The following RNF182 variants were observed in gnomAD, a reference collection of about 807,000 sequenced individuals.
The protein encoded by RNF182 is ring finger protein 182, also known as E3 ubiquitin-protein ligase RNF182.
A neutral mutation model predicts 14.4 loss-of-function variants in RNF182; 15 were observed. That is an observed-to-expected ratio of 1.04 (90% CI 0.70 to 1.60). The LOEUF is 1.60. RNF182 is among the 40% of genes most tolerant of loss of function. The probability of loss-of-function intolerance (pLI) is 0.00; values close to 1 mark genes in which losing one functional copy is unlikely to be tolerated. For missense variants in RNF182, 268 were observed against 294.8 expected (o/e 0.91, Z 0.67); for synonymous variants, 128 against 122.9 (o/e 1.04, Z -0.27).
At chr6:13,958,551 CA>C (rs1431440887) in intron 1 of RNF182, among the ~76,000 whole-genome samples, 9 of 152,200 alleles carry the variant, frequency 5.9e-5, no homozygotes, top group Middle Eastern at 3.4e-3. Flanking sequence ...GGAGACATTT[CA>C]ATATATTTAT....
intron 1 of RNF182, among the ~76,000 whole-genome samples, chr6:13,939,808 G>T (rs1585033024): frequency 6.6e-6 from 1 of 152,236 alleles, no homozygotes; most frequent in African/African-American, 2.4e-5. Context: ...CTTCCAAAGT[G>T]CTGGGATTAC....
In RNF182 at chr6:13,978,076, A is replaced by G. The variant is rs1013713898; in HGVS notation, c.*213A>G. Reference sequence around the variant, plus strand: ...GGTTAGCAAAATTGTATAAGCTCACACTTCATGGAGCACTGACAGCAGTGA... The same window carrying G: ...GGTTAGCAAAATTGTATAAGCTCACGCTTCATGGAGCACTGACAGCAGTGA... On this transcript the variant is annotated 3_prime_UTR_variant, in exon 3 of 3. Coordinates refer to ENST00000488300, the MANE Select transcript of RNF182 (RefSeq NM_152737.4). The G allele has an allele frequency of 1.7e-4, 91 of 526,708 alleles. No individual in the cohort carries two copies. The highest frequency in any genetic ancestry group is 5.3e-4 in the Middle Eastern group (1 of 1,902). 32.6% of individuals were successfully genotyped at this position (526,708 alleles called of 1,614,324 possible). A position where few individuals can be genotyped will look rare whatever the true frequency, so the allele number is the denominator to read the frequency against.
chr6:13,968,314 CA>C (rs1452898401), intron 1 of RNF182, among the ~76,000 whole-genome samples: 3 of 152,046 alleles, frequency 2.0e-5, no homozygotes, highest in African/African-American at 7.2e-5. Context: ...TTTGAAAACC[CA>C]GAAGAAATGG....
At chr6:13,973,969 C>CT in intron 1 of RNF182, among the ~76,000 whole-genome samples, 1 of 152,266 alleles carries the variant, frequency 6.6e-6, no homozygotes, top group Non-Finnish European at 1.5e-5. Flanking sequence ...TTGTCCACAG[C>CT]TTTTGACAGA....
At chr6:13,937,907 C>G (rs989404551) in intron 1 of RNF182, among the ~76,000 whole-genome samples, 4 of 151,230 alleles carry the variant, frequency 2.6e-5, no homozygotes, top group African/African-American at 9.7e-5. Context: ...TGATATTGAG[C>G]ATTTTTTCAT....
intron 1 of RNF182, 33 bp from the exon 2 acceptor site, chr6:13,974,177 G>A (rs1195193440): frequency 1.3e-5 from 2 of 151,916 alleles, no homozygotes; most frequent in Non-Finnish European, 2.9e-5. Flanking sequence ...TTTTCAAGAG[G>A]AACAATCACC....
At chr6:13,962,346 G>A (rs2113631804) in intron 1 of RNF182, among the ~76,000 whole-genome samples, 1 of 152,268 alleles carries the variant, frequency 6.6e-6, no homozygotes, top group South Asian at 2.1e-4. Flanking sequence ...GCAAGCATGT[G>A]TACTTTATCA....
At chr6:13,968,748 G>A (rs945389143) in intron 1 of RNF182, among the ~76,000 whole-genome samples, 11 of 152,210 alleles carry the variant, frequency 7.2e-5, no homozygotes, top group Admixed American at 4.6e-4. Flanking sequence ...AAATAAATAT[G>A]TCTGATGACC....
chr6:13,958,395 T>C (rs1420271773), intron 1 of RNF182, among the ~76,000 whole-genome samples: 1 of 151,832 alleles, frequency 6.6e-6, no homozygotes, highest in Non-Finnish European at 1.5e-5. Context: ...AAAATAATAA[T>C]AATAATAATA....
intron 1 of RNF182, among the ~76,000 whole-genome samples, chr6:13,945,301 T>C (rs1365884805): frequency 3.3e-5 from 5 of 152,236 alleles, no homozygotes; most frequent in African/African-American, 9.6e-5. Context: ...TTTAGGGATT[T>C]ACCCTCAGAT....
intron 1 of RNF182, among the ~76,000 whole-genome samples, chr6:13,967,745 T>A (rs190118803): frequency 0.014 from 2,087 of 152,186 alleles, 20 homozygotes; most frequent in African/African-American, 0.025. Flanking sequence ...AATTTTTTTT[T>A]AAAAAATAGA....
chr6:13,973,750 C>T (rs1381428387), intron 1 of RNF182, among the ~76,000 whole-genome samples: 2 of 152,152 alleles, frequency 1.3e-5, no homozygotes, highest in Admixed American at 6.5e-5. Flanking sequence ...ATTACTCAGT[C>T]TTGGGTATGT....
intron 1 of RNF182, among the ~76,000 whole-genome samples, chr6:13,926,552 C>T (rs928278119): frequency 7.2e-5 from 11 of 152,150 alleles, no homozygotes; most frequent in Admixed American, 7.2e-4. Context: ...TGAATTTTAC[C>T]TGTGGAAGAT....
intron 1 of RNF182, among the ~76,000 whole-genome samples, chr6:13,966,764 AC>A (rs536883694): frequency 8.1e-5 from 4 of 49,170 alleles, no homozygotes; most frequent in Non-Finnish European, 1.4e-4. Context: ...ACCTGTCCCC[AC>A]CCCCCCACCC....
intron 1 of RNF182, among the ~76,000 whole-genome samples, chr6:13,956,644 C>G (rs972219965): frequency 6.6e-6 from 1 of 152,034 alleles, no homozygotes; most frequent in African/African-American, 2.4e-5. Context: ...CGTTAGACTA[C>G]TCTATAATGT....
At chr6:13,933,380 G>T (rs966802560) in intron 1 of RNF182, among the ~76,000 whole-genome samples, 1 of 152,026 alleles carries the variant, frequency 6.6e-6, no homozygotes, top group Non-Finnish European at 1.5e-5. Context: ...GCTGGGCATG[G>T]TGGTACGCAC....
intron 1 of RNF182, among the ~76,000 whole-genome samples, chr6:13,943,777 A>T (rs953516037): frequency 1.3e-5 from 2 of 152,216 alleles, no homozygotes; most frequent in African/African-American, 4.8e-5. Flanking sequence ...AGTAGGGGAG[A>T]GACCTCAGTG....
chr6:13,970,458 G>C (rs948922887), intron 1 of RNF182, among the ~76,000 whole-genome samples: 7 of 152,116 alleles, frequency 4.6e-5, no homozygotes, highest in African/African-American at 1.4e-4. Flanking sequence ...TTGCCAAATA[G>C]TAGTTCACAT....
chr6:13,977,688 G>A lies in RNF182; in HGVS notation c.569G>A (p.Gly190Asp). The A allele has an allele frequency of 1.2e-6, 2 of 1,614,150 alleles. No homozygotes were observed. The highest frequency in any genetic ancestry group is 2.2e-5 in the South Asian group (2 of 91,082). Residue 190 changes from glycine to aspartate, a missense_variant, in exon 3 of 3, where the codon GGT becomes GAT. Gly to Asp is a moderately conservative substitution (Grantham distance 94). Coordinates refer to ENST00000488300, the MANE Select transcript of RNF182 (RefSeq NM_152737.4). ...ATCCGGGTGTTAGTGTGGTTGCTAGGTTTGCTCTACTTCAGCTCCTTACCC... is the reference window on the plus strand; with the variant it reads ...ATCCGGGTGTTAGTGTGGTTGCTAGATTTGCTCTACTTCAGCTCCTTACCC... ...TSIRVLVWLL[G>D]LLYFSSLPLG...
Sources: allele counts gnomAD v4.1 joint callset (sites outside exome capture counted in the v4.1 genomes callset), GRCh38; gene constraint gnomAD v4.1.1; transcripts MANE v1.5; gene names NCBI Gene and HGNC (gene_info 2026-07-23, HGNC 2026-07-21).